Variants in NIPA1 observed in about 807,000 individuals in gnomAD.
The protein encoded by NIPA1 is magnesium transporter NIPA1.
Under a neutral mutation model 23.9 loss-of-function variants are expected in NIPA1, and 13 were observed. The ratio of observed to expected loss-of-function variants is 0.54; its 90% CI spans 0.35 to 0.87. The LOEUF is 0.87. Ranked by LOEUF, NIPA1 falls within the 40% of genes least tolerant of loss-of-function variation. NIPA1 has a pLI of 0.01. For synonymous variants in NIPA1, 234 were observed against 202.9 expected, an observed-to-expected ratio of 1.15 and a Z score of -1.30; for missense variants, 362 against 429.7, an observed-to-expected ratio of 0.84 and a Z score of 1.39.
intron 4 of NIPA1, among the ~76,000 whole-genome samples, chr15:22,821,476 A>G (rs376991555): frequency 1.3e-3 from 196 of 146,940 alleles, no homozygotes; most frequent in Non-Finnish European, 2.6e-3. Context: ...GCATGTCCAC[A>G]CTCCCTGGTT....
intron 1 of NIPA1, among the ~76,000 whole-genome samples, chr15:22,789,286 G>A (rs1281050531): frequency 2.0e-5 from 3 of 152,016 alleles, no homozygotes; most frequent in Non-Finnish European, 4.4e-5. Flanking sequence ...ACCAACACTC[G>A]GCCTATATTA....
intron 1 of NIPA1, among the ~76,000 whole-genome samples, chr15:22,800,470 G>A (rs1895052663): frequency 1.3e-5 from 2 of 152,152 alleles, no homozygotes; most frequent in South Asian, 4.1e-4. Flanking sequence ...ACGTTGGGTG[G>A]TACAGCTCTT....
Position 22,810,746 on chromosome 15 carries a change from T to C in NIPA1, c.179-3T>C. 2 of 1,597,866 alleles carry C rather than the reference T, an allele frequency of 1.3e-6. No homozygotes were observed. The highest frequency in any genetic ancestry group is 1.7e-6 in the Non-Finnish European group (2 of 1,165,042). On this transcript the variant is annotated splice_region_variant and splice_polypyrimidine_tract_variant and intron_variant, in intron 1 of 4. Coordinates refer to ENST00000337435, the MANE Select transcript of NIPA1 (RefSeq NM_144599.5). ...CTGACATTTTTTATCTCATTTTTTA[T>C]AGGTACTTCCTATTTAACAGACATT...
intron 1 of NIPA1, among the ~76,000 whole-genome samples, chr15:22,794,967 C>T (rs1894911609): frequency 1.3e-5 from 2 of 152,128 alleles, no homozygotes; most frequent in South Asian, 4.1e-4. Flanking sequence ...AGGGCTGTCA[C>T]GTGTCCACTG....
intron 1 of NIPA1, among the ~76,000 whole-genome samples, chr15:22,799,565 G>T (rs1247317569): frequency 2.0e-5 from 3 of 151,918 alleles, no homozygotes; most frequent in Non-Finnish European, 4.4e-5. Context: ...GGCAGATCAC[G>T]AGGTCAGGAG....
intron 2 of NIPA1, 103 bp from the exon 3 acceptor site, chr15:22,812,059 AT>A (rs1016172494): frequency 5.7e-6 from 5 of 877,066 alleles, no homozygotes; most frequent in Admixed American, 4.0e-5. Flanking sequence ...AGTAATGTGA[AT>A]GAAGTAGCCC....
At position 22,825,758 on chromosome 15, in the gene NIPA1, T is replaced by C. The variant is rs551689729; in HGVS notation, c.*1519T>C. 1 of 152,762 alleles carries C rather than the reference T, an allele frequency of 6.5e-6. No homozygotes were observed. The highest frequency in any genetic ancestry group is 1.9e-4 in the East Asian group (1 of 5,192). 9.5% of individuals were successfully genotyped at this position (152,762 alleles called of 1,614,324 possible). A position where few individuals can be genotyped will look rare whatever the true frequency, so the allele number is the denominator to read the frequency against. On this transcript the variant is annotated 3_prime_UTR_variant, in exon 5 of 5. Transcript: ENST00000337435. ...AAAGCCAATAAATGTAGCCATCTCC[T>C]TGTTGTTTGCAATGGCAGAGCATCC...
rs142082945 is a variant in NIPA1 at position 22,812,516 on chromosome 15, G to T, written c.317+263G>T. Among the ~76,000 whole-genome samples the T allele has an allele frequency of 1.5e-3, 233 of 152,022 alleles. 2 individuals are homozygous for T. In the East Asian group the frequency reaches 0.018, roughly 12 times the overall value. ...ACAATATGAAAAATTAGCTGGACAT[G>T]GTGGCGACCACCTGTAGTCCTAGCT... On this transcript the variant is annotated intron_variant, in intron 3 of 4. Coordinates refer to ENST00000337435, the MANE Select transcript of NIPA1 (RefSeq NM_144599.5).
At chr15:22,800,913 A>G (rs553835810) in intron 1 of NIPA1, among the ~76,000 whole-genome samples, 2 of 147,826 alleles carry the variant, frequency 1.4e-5, no homozygotes, top group Non-Finnish European at 3.0e-5. Context: ...CCTGGGCGAC[A>G]GTGCGAGACT....
intron 1 of NIPA1, among the ~76,000 whole-genome samples, chr15:22,799,398 C>G (rs1217472756): frequency 6.6e-6 from 1 of 152,058 alleles, no homozygotes; most frequent in Non-Finnish European, 1.5e-5. Context: ...GTTTGTAATC[C>G]CAGTAATCTG....
At chr15:22,805,083 A>G (rs1595637214) in intron 1 of NIPA1, among the ~76,000 whole-genome samples, 1 of 151,918 alleles carries the variant, frequency 6.6e-6, no homozygotes, top group Non-Finnish European at 1.5e-5. Flanking sequence ...CTCATGATCC[A>G]CCTGCCTCAG....
chr15:22,788,546 A>T (rs1663101524), intron 1 of NIPA1, among the ~76,000 whole-genome samples: 1 of 150,814 alleles, frequency 6.6e-6, no homozygotes, highest in South Asian at 2.1e-4. Context: ...GTCCTCTGTG[A>T]AGGTCATGGA....
intron 1 of NIPA1, among the ~76,000 whole-genome samples, chr15:22,804,406 C>T (rs995494923): frequency 6.6e-6 from 1 of 152,144 alleles, no homozygotes; most frequent in African/African-American, 2.4e-5. Context: ...CAGTCATGAG[C>T]CACTGCGCCT....
intron 1 of NIPA1, among the ~76,000 whole-genome samples, chr15:22,797,544 T>C (rs1894965737): frequency 7.3e-6 from 1 of 136,482 alleles, no homozygotes; most frequent in South Asian, 2.3e-4. Context: ...TTTTGCTCGT[T>C]TCCCAGGCCA....
intron 1 of NIPA1, among the ~76,000 whole-genome samples, chr15:22,799,636 G>T (rs541612339): frequency 7.9e-5 from 12 of 152,004 alleles, no homozygotes; most frequent in African/African-American, 2.7e-4. Context: ...CAAAAAATTA[G>T]CCAGGTGTGG....
At chr15:22,790,826 G>A (rs997349520) in intron 1 of NIPA1, among the ~76,000 whole-genome samples, 10 of 152,072 alleles carry the variant, frequency 6.6e-5, no homozygotes, top group Non-Finnish European at 1.3e-4. Context: ...CAGCAGAATT[G>A]ACCAGTATGA....
chr15:22,795,146 A>G (rs561467493), intron 1 of NIPA1, among the ~76,000 whole-genome samples: 1 of 152,162 alleles, frequency 6.6e-6, no homozygotes, highest in South Asian at 2.1e-4. Flanking sequence ...ATCTAGAGTT[A>G]CTGCCAGCTC....
At chr15:22,800,590 C>T (rs1444814616) in intron 1 of NIPA1, among the ~76,000 whole-genome samples, 1 of 151,756 alleles carries the variant, frequency 6.6e-6, no homozygotes, top group African/African-American at 2.4e-5. Context: ...GTCAGGAGCT[C>T]GAGACCAGCC....
At chr15:22,790,994 A>G (rs1331999604) in intron 1 of NIPA1, among the ~76,000 whole-genome samples, 1 of 152,060 alleles carries the variant, frequency 6.6e-6, no homozygotes, top group Admixed American at 6.6e-5. Context: ...AAATTTTTGG[A>G]TGGATTTAGG....
Sources: allele counts gnomAD v4.1 joint callset (sites outside exome capture counted in the v4.1 genomes callset), GRCh38; gene constraint gnomAD v4.1.1; transcripts MANE v1.5; gene names NCBI Gene and HGNC (gene_info 2026-07-23, HGNC 2026-07-21).